Variants in CAPS2 observed in about 807,000 individuals in gnomAD.
CAPS2 encodes calcyphosin-2.
In CAPS2, 98 loss-of-function variants were observed where a neutral mutation model predicts 86.5. The observed-to-expected ratio is 1.13, with a 90% CI of 0.96 to 1.34. The LOEUF (loss-of-function observed/expected upper bound fraction) is 1.34, where lower values mean the gene tolerates loss of function less well. Ranked by LOEUF, CAPS2 falls within the 40% of genes most tolerant of loss-of-function variation. CAPS2 has a pLI of 0.00. For synonymous variants in CAPS2, 210 were observed against 225.1 expected (o/e 0.93, Z 0.60); for missense variants, 729 against 686.8 (o/e 1.06, Z -0.69).
chr12:75,377,852 T>TATATATAC (rs2044736291), intron 1 of CAPS2, among the ~76,000 whole-genome samples: 1 of 42,142 alleles, frequency 2.4e-5, no homozygotes, highest in African/African-American at 7.9e-5. Flanking sequence ...TATATATATA[T>TATATATAC]ATATATATGC....
At chr12:75,304,839 C>G (rs1275047479) in exon 8 of CAPS2, 2 of 1,611,834 alleles carry the variant, frequency 1.2e-6, no homozygotes, top group South Asian at 1.1e-5. Context: ...TCTTTTTGCT[C>G]AATGGCTAAA....
chr12:75,321,010 A>T (rs2040248277), intron 5 of CAPS2, among the ~76,000 whole-genome samples: 1 of 152,054 alleles, frequency 6.6e-6, no homozygotes, highest in Admixed American at 6.6e-5. Context: ...AACCAGGATC[A>T]CCATAAAGTC....
intron 7 of CAPS2, chr12:75,305,885 T>A (rs1205979866): frequency 2.5e-6 from 2 of 800,140 alleles, no homozygotes; most frequent in African/African-American, 3.4e-5. Flanking sequence ...CTGACCAGGC[T>A]GCACCTGAGG....
intron 1 of CAPS2, among the ~76,000 whole-genome samples, chr12:75,325,807 AG>A (rs565625196): frequency 3.4e-4 from 52 of 152,042 alleles, no homozygotes; most frequent in African/African-American, 1.1e-3. Context: ...CCAGAGTGTG[AG>A]GGGGGGTAGG....
intron 7 of CAPS2, chr12:75,306,435 G>T: frequency 3.0e-6 from 1 of 335,984 alleles, no homozygotes; most frequent in Non-Finnish European, 5.7e-6. Context: ...GGTCACTAGA[G>T]TATTCAGGAT....
chr12:75,378,055 T>C (rs991939866), intron 1 of CAPS2, among the ~76,000 whole-genome samples: 2 of 152,056 alleles, frequency 1.3e-5, no homozygotes, highest in Non-Finnish European at 2.9e-5. Flanking sequence ...TGGAGTGCAG[T>C]GGTGCAATTT....
At chr12:75,336,695 T>C (rs187212104) in intron 1 of CAPS2, among the ~76,000 whole-genome samples, 151 of 151,890 alleles carry the variant, frequency 9.9e-4, no homozygotes, top group South Asian at 5.0e-3. Context: ...AAAACAGTCA[T>C]AGAGATTTTA....
intron 1 of CAPS2, among the ~76,000 whole-genome samples, chr12:75,357,727 T>C (rs1447745339): frequency 1.3e-5 from 2 of 152,042 alleles, no homozygotes; most frequent in African/African-American, 4.8e-5. Flanking sequence ...CAATGTCCAA[T>C]ATTTGAATAC....
At chr12:75,386,586 T>TA (rs1465830972) in intron 1 of CAPS2, among the ~76,000 whole-genome samples, 2 of 152,172 alleles carry the variant, frequency 1.3e-5, no homozygotes, top group African/African-American at 4.8e-5. Flanking sequence ...AATCACCTCT[T>TA]AAAGATCCCA....
At chr12:75,281,502 C>T (rs1171914464) in intron 16 of CAPS2, among the ~76,000 whole-genome samples, 1 of 151,780 alleles carries the variant, frequency 6.6e-6, no homozygotes, top group Non-Finnish European at 1.5e-5. Context: ...GTGTAAAAAG[C>T]AAATTATATA....
intron 1 of CAPS2, among the ~76,000 whole-genome samples, chr12:75,381,529 C>CT (rs201207445): frequency 0.028 from 3,322 of 118,328 alleles, 153 homozygotes; most frequent in African/African-American, 0.099. Context: ...GTTATTTAGA[C>CT]TTTTTTTTTT....
chr12:75,279,031 A>G, exon 17 of CAPS2: 1 of 1,603,826 alleles, frequency 6.2e-7, no homozygotes, highest in Non-Finnish European at 8.5e-7. Flanking sequence ...ATGTTTCTAG[A>G]AAGGATGATT....
chr12:75,304,768 T>C lies in CAPS2; in HGVS notation c.768A>G (p.Leu256=), dbSNP rs560915008. The C allele has an allele frequency of 7.0e-5, 111 of 1,591,778 alleles. 2 individuals carry two copies. In the South Asian group the frequency reaches 1.2e-3, roughly 17 times the overall value. ...TAAAATCTTCTTACTTTGTTTCATG[T>C]AGTGTTCTTTTTCTAAATCGAAGAG... The change falls in exon 8 of 17, where the codon CTA becomes CTG. Residue 256 remains leucine (L), a synonymous_variant. Transcript: ENST00000393284.
chr12:75,382,636 T>C (rs2045062026), intron 1 of CAPS2, among the ~76,000 whole-genome samples: 1 of 131,434 alleles, frequency 7.6e-6, no homozygotes, highest in Non-Finnish European at 1.8e-5. Flanking sequence ...TGAGACTCCA[T>C]CTCAAAAAAA....
chr12:75,317,039 T>C (rs1593489774), intron 5 of CAPS2, among the ~76,000 whole-genome samples: 1 of 152,170 alleles, frequency 6.6e-6, no homozygotes, highest in African/African-American at 2.4e-5. Flanking sequence ...CCAGGGCTTA[T>C]TCTTACTTTA....
chr12:75,320,500 CA>C (rs1397371585), intron 5 of CAPS2, among the ~76,000 whole-genome samples: 2 of 151,906 alleles, frequency 1.3e-5, no homozygotes, highest in Non-Finnish European at 2.9e-5. Flanking sequence ...AAAATGTTTT[CA>C]AAATAAGAAA....
intron 7 of CAPS2, among the ~76,000 whole-genome samples, chr12:75,307,158 G>T (rs111881197): frequency 0.017 from 2,615 of 152,238 alleles, 68 homozygotes; most frequent in African/African-American, 0.053. Context: ...CTGGTCATTT[G>T]GCTCTGGGCC....
chr12:75,365,783 G>C (rs973406559), intron 1 of CAPS2, among the ~76,000 whole-genome samples: 3 of 152,030 alleles, frequency 2.0e-5, no homozygotes, highest in Admixed American at 1.3e-4. Flanking sequence ...CCTATGAATT[G>C]TGGGTGTTTA....
chr12:75,372,822 T>C (rs1000267298), intron 1 of CAPS2, among the ~76,000 whole-genome samples: 10 of 152,244 alleles, frequency 6.6e-5, no homozygotes, highest in African/African-American at 2.4e-4. Flanking sequence ...ATGAGCCCAC[T>C]GTTGCACTTC....
Sources: gnomAD v4.1 joint callset for allele counts (sites outside exome capture counted in the v4.1 genomes callset) on GRCh38, gnomAD v4.1.1 for gene constraint, MANE v1.5 for transcripts, NCBI Gene and HGNC (gene_info 2026-07-23, HGNC 2026-07-21) for gene names.